Variants in MAPKAP1 observed in about 807,000 individuals in gnomAD.
MAPKAP1 encodes MAPK associated protein 1.
Under a neutral mutation model 65.7 loss-of-function variants are expected in MAPKAP1, and 20 were observed. That is an observed-to-expected ratio of 0.30 (90% confidence interval 0.21 to 0.44). MAPKAP1 has a LOEUF of 0.44. Among genes scored for constraint, MAPKAP1 ranks in the 20% least tolerant of loss-of-function variants. The pLI is 1.00. For synonymous variants in MAPKAP1, 222 were observed against 244.3 expected, an observed-to-expected ratio of 0.91 and a Z score of 0.85; for missense variants, 423 against 648.0, an observed-to-expected ratio of 0.65 and a Z score of 3.77.
At chr9:125,569,315 T>TCTGGGAAA (rs1831158805) in intron 5 of MAPKAP1, among the ~76,000 whole-genome samples, 1 of 152,252 alleles carries the variant, frequency 6.6e-6, no homozygotes, top group Non-Finnish European at 1.5e-5. Context: ...CTAGACTCCT[T>TCTGGGAAA]CTGGGAAAGG....
At chr9:125,466,164 G>A (rs1189568584) in intron 10 of MAPKAP1, among the ~76,000 whole-genome samples, 1 of 152,204 alleles carries the variant, frequency 6.6e-6, no homozygotes, top group Non-Finnish European at 1.5e-5. Flanking sequence ...AGGATAGCCT[G>A]AGGCCAGGAA....
chr9:125,670,426 T>A (rs1229624899), intron 2 of MAPKAP1, among the ~76,000 whole-genome samples: 1 of 152,242 alleles, frequency 6.6e-6, no homozygotes, highest in Non-Finnish European at 1.5e-5. Flanking sequence ...TTAGCATAGC[T>A]TTTCTTCAGT....
chr9:125,652,606 G>A (rs1246661315), intron 4 of MAPKAP1, among the ~76,000 whole-genome samples: 3 of 152,054 alleles, frequency 2.0e-5, no homozygotes, highest in African/African-American at 7.2e-5. Flanking sequence ...AACCAGAACT[G>A]GTTTGCTCTT....
At position 125,547,381 on chromosome 9, in the gene MAPKAP1, T is replaced by C. The variant is rs545265377; in HGVS notation, c.849-4213A>G. On this transcript the variant is annotated intron_variant, in intron 6 of 11. Coordinates refer to ENST00000265960, the MANE Select transcript of MAPKAP1 (RefSeq NM_001006617.3). ...CATAGGCTGGGGGTTAAATACCCTT[T>C]GACCGAAATCTTGGTTCCGTGGCTA... Among the ~76,000 whole-genome samples, 5 of 152,328 alleles carry C rather than the reference T, an allele frequency of 3.3e-5. 1 individual carries two copies. The East Asian group carries it at 7.7e-4, about 24-fold the overall frequency.
chr9:125,584,054 C>T (rs1248556032), intron 5 of MAPKAP1, among the ~76,000 whole-genome samples: 2 of 151,352 alleles, frequency 1.3e-5, no homozygotes, highest in Admixed American at 6.6e-5. Context: ...CAGAGCAAGA[C>T]TCCGTCTCCA....
chr9:125,576,190 G>C (rs1157241800), intron 5 of MAPKAP1, among the ~76,000 whole-genome samples: 1 of 152,320 alleles, frequency 6.6e-6, no homozygotes, highest in East Asian at 1.9e-4. Flanking sequence ...GGGTTGAATA[G>C]ATGGAGCACA....
At chr9:125,628,314 G>A (rs1833173899) in intron 4 of MAPKAP1, among the ~76,000 whole-genome samples, 1 of 152,130 alleles carries the variant, frequency 6.6e-6, no homozygotes, top group African/African-American at 2.4e-5. Flanking sequence ...AGAAGACAGG[G>A]CAGGTGACAA....
chr9:125,528,306 G>A (rs1243474373), intron 7 of MAPKAP1, among the ~76,000 whole-genome samples: 36 of 152,210 alleles, frequency 2.4e-4, no homozygotes, highest in Admixed American at 2.2e-3. Flanking sequence ...TTCCATGGCT[G>A]GAACATGGCC....
chr9:125,534,506 C>T (rs146843397), intron 7 of MAPKAP1, among the ~76,000 whole-genome samples: 6 of 152,174 alleles, frequency 3.9e-5, no homozygotes, highest in Non-Finnish European at 8.8e-5. Flanking sequence ...CTCCATTTCC[C>T]GATGAGTAGC....
At chr9:125,451,020 T>TTGACCTCTAGAGCCGGGGATGTGCC (rs1255246850) in intron 10 of MAPKAP1, 1 of 152,296 alleles carries the variant, frequency 6.6e-6, no homozygotes. Flanking sequence ...AATGACCTCT[T>TTGACCTCTAGAGCCGGGGATGTGCC]TGACCTCTAG....
chr9:125,655,276 C>G (rs1833998352), intron 4 of MAPKAP1, among the ~76,000 whole-genome samples: 2 of 151,918 alleles, frequency 1.3e-5, no homozygotes, highest in African/African-American at 4.8e-5. Context: ...ACAACAGTAA[C>G]AAAAATTTAG....
intron 5 of MAPKAP1, among the ~76,000 whole-genome samples, chr9:125,574,859 C>A (rs1831345609): frequency 6.6e-6 from 1 of 152,204 alleles, no homozygotes; most frequent in Admixed American, 6.5e-5. Context: ...TTTCCACCCT[C>A]ATTTTATACA....
At chr9:125,693,341 G>C (rs1835225146) in intron 1 of MAPKAP1, among the ~76,000 whole-genome samples, 2 of 151,114 alleles carry the variant, frequency 1.3e-5, no homozygotes, top group South Asian at 4.1e-4. Flanking sequence ...TTGAACCCAA[G>C]AGGCAGAGGT....
chr9:125,607,160 T>C (rs965485558), intron 4 of MAPKAP1, among the ~76,000 whole-genome samples: 1 of 146,498 alleles, frequency 6.8e-6, no homozygotes, highest in African/African-American at 2.8e-5. Context: ...AACTGAATCA[T>C]ATGAAACTGC....
At chr9:125,693,698 CGT>C (rs1491382080) in intron 1 of MAPKAP1, among the ~76,000 whole-genome samples, 15 of 92,916 alleles carry the variant, frequency 1.6e-4, no homozygotes, top group South Asian at 3.1e-4. Context: ...TATATATACA[CGT>C]ATATATACAC....
At chr9:125,530,438 A>G (rs1405036797) in intron 7 of MAPKAP1, among the ~76,000 whole-genome samples, 1 of 152,224 alleles carries the variant, frequency 6.6e-6, no homozygotes, top group Non-Finnish European at 1.5e-5. Context: ...AGGGTCTGTG[A>G]GCTACTAAAC....
chr9:125,444,630 C>A (rs1238344307), intron 10 of MAPKAP1, 32 bp from the exon 11 acceptor site: 2 of 1,521,516 alleles, frequency 1.3e-6, no homozygotes, highest in Non-Finnish European at 1.8e-6. Context: ...TTGAGGGGTT[C>A]TGGTGAGTTA....
At chr9:125,558,306 A>G (rs1830797129) in intron 6 of MAPKAP1, among the ~76,000 whole-genome samples, 1 of 152,250 alleles carries the variant, frequency 6.6e-6, no homozygotes, top group Non-Finnish European at 1.5e-5. Flanking sequence ...ATTATTTTAA[A>G]TATCCTTTAA....
chr9:125,566,807 C>T (rs1326713455), intron 5 of MAPKAP1, among the ~76,000 whole-genome samples: 1 of 152,148 alleles, frequency 6.6e-6, no homozygotes, highest in Non-Finnish European at 1.5e-5. Context: ...TTAATATTTA[C>T]GTAGATGACT....
Sources: gnomAD v4.1 joint callset for allele counts (sites outside exome capture counted in the v4.1 genomes callset) on GRCh38, gnomAD v4.1.1 for gene constraint, MANE v1.5 for transcripts, NCBI Gene and HGNC (gene_info 2026-07-23, HGNC 2026-07-21) for gene names.